NAALADL2: variants seen among roughly 807,000 people sequenced by gnomAD.
NAALADL2 encodes the protein N-acetylated alpha-linked acidic dipeptidase like 2.
A neutral mutation model predicts 87.2 loss-of-function variants in NAALADL2; 76 were observed. The observed-to-expected ratio is 0.87, with a 90% CI of 0.72 to 1.05. NAALADL2 has a LOEUF of 1.05. Ranked by LOEUF, NAALADL2 falls within the 50% of genes least tolerant of loss-of-function variation. NAALADL2 has a pLI of 0.00. For missense variants in NAALADL2, 1,089 were observed against 945.8 expected (o/e 1.15, Z -1.99); for synonymous variants, 354 against 331.0 (o/e 1.07, Z -0.75).
chr3:174,887,030 C>T (rs1730244251), intron 1 of NAALADL2, among the ~76,000 whole-genome samples: 1 of 152,188 alleles, frequency 6.6e-6, no homozygotes, highest in South Asian at 2.1e-4. Context: ...CTATAACTCT[C>T]TCTTCAATTA....
intron 5 of NAALADL2, among the ~76,000 whole-genome samples, chr3:175,330,999 AG>A (rs1196476914): frequency 6.6e-6 from 1 of 152,148 alleles, no homozygotes; most frequent in Non-Finnish European, 1.5e-5. Context: ...ACAAAAGATC[AG>A]GGGGACTATT....
At chr3:174,690,082 G>A (rs140112264) in intron 2 of NAALADL2, among the ~76,000 whole-genome samples, 5 of 152,178 alleles carry the variant, frequency 3.3e-5, no homozygotes, top group African/African-American at 1.2e-4. Context: ...TATGATATTA[G>A]AAGTCATGAC....
intron 11 of NAALADL2, among the ~76,000 whole-genome samples, chr3:175,729,463 A>G (rs1561046682): frequency 6.6e-6 from 1 of 152,212 alleles, no homozygotes; most frequent in Non-Finnish European, 1.5e-5. Context: ...TTCACAACCT[A>G]AGAGTATGTG....
intron 1 of NAALADL2, among the ~76,000 whole-genome samples, chr3:174,904,007 ATATCTG>A (rs932103142): frequency 2.0e-5 from 3 of 151,470 alleles, no homozygotes; most frequent in Non-Finnish European, 3.0e-5. Flanking sequence ...ATCTATATCT[ATATCTG>A]TATCTATTTG....
At chr3:175,211,525 CACTT>C (rs1741762236) in intron 2 of NAALADL2, among the ~76,000 whole-genome samples, 1 of 151,882 alleles carries the variant, frequency 6.6e-6, no homozygotes, top group African/African-American at 2.4e-5. Flanking sequence ...GTATTTAAAA[CACTT>C]ACATATTTTA....
chr3:174,746,954 G>T (rs2109025035), intron 3 of NAALADL2, among the ~76,000 whole-genome samples: 1 of 152,098 alleles, frequency 6.6e-6, no homozygotes, highest in East Asian at 1.9e-4. Context: ...ACTGAAATGT[G>T]AAACCTAAAA....
intron 3 of NAALADL2, among the ~76,000 whole-genome samples, chr3:174,754,517 G>A (rs571882048): frequency 6.7e-6 from 1 of 148,728 alleles, no homozygotes; most frequent in South Asian, 2.1e-4. Context: ...CTCTTGCCCA[G>A]GCTGGCCATT....
chr3:175,442,196 C>T lies in NAALADL2; in HGVS notation c.1091-5033C>T, dbSNP rs550582843. On this transcript the variant is annotated intron_variant, in intron 5 of 13. Coordinates refer to ENST00000454872, the MANE Select transcript of NAALADL2 (RefSeq NM_207015.3). The stretch of plus-strand genomic sequence containing the variant: ...CTGACCTCAGGTGATCCACCCTCCT[C>T]GACCTCTCAAAGTGCTTGGATTACA... Among the ~76,000 whole-genome samples, 9 of 152,178 alleles carry T rather than the reference C, an allele frequency of 5.9e-5. No individual in the cohort carries two copies. The East Asian group carries it at 1.2e-3, about 20-fold the overall frequency.
In NAALADL2 at chr3:174,765,647, T is replaced by C. The variant is rs1423451373; in HGVS notation, c.-9+27901T>C. 2.6e-5 allele frequency among the ~76,000 whole-genome samples: 4 copies of C among 152,116 alleles called. No homozygotes were observed. The East Asian group carries it at 7.7e-4, about 29-fold the overall frequency. On this transcript the variant is annotated intron_variant, in intron 3 of 3. Coordinates refer to the NAALADL2 transcript ENST00000434257. ...TCCTTAGGAGTGAATCCTTGTTATT[T>C]ATTTTTTGAATACAGGATTTATTTT...
intron 1 of NAALADL2, among the ~76,000 whole-genome samples, chr3:174,534,263 G>A (rs1280662102): frequency 6.6e-6 from 1 of 151,882 alleles, no homozygotes; most frequent in Non-Finnish European, 1.5e-5. Flanking sequence ...TTTACCAGAT[G>A]GTTTAATTCA....
chr3:175,164,346 G>T (rs1003638181), intron 2 of NAALADL2, among the ~76,000 whole-genome samples: 2 of 151,598 alleles, frequency 1.3e-5, no homozygotes, highest in African/African-American at 4.8e-5. Context: ...TTGCAGTCTA[G>T]GGTGAGCATC....
chr3:175,466,135 T>C (rs1723985007), intron 7 of NAALADL2, among the ~76,000 whole-genome samples: 1 of 152,216 alleles, frequency 6.6e-6, no homozygotes, highest in Non-Finnish European at 1.5e-5. Context: ...CTGAACAATT[T>C]ACCATCCAGT....
chr3:175,630,085 A>G lies in NAALADL2; in HGVS notation c.1896+2699A>G, dbSNP rs182041887. Among the ~76,000 whole-genome samples the G allele has an allele frequency of 2.6e-5, 4 of 151,868 alleles. No individual in the cohort carries two copies. The East Asian group carries it at 7.7e-4, about 29-fold the overall frequency. ...TGTTGATTCTGTTTCCTCAATCATC[A>G]TGTCTACTTGCACTCATGTTGGAAG... is the stretch of plus-strand genomic sequence containing the variant. On this transcript the variant is annotated intron_variant, in intron 11 of 13. Transcript: ENST00000454872.
At chr3:175,144,226 T>C (rs1730434925) in intron 2 of NAALADL2, among the ~76,000 whole-genome samples, 1 of 152,004 alleles carries the variant, frequency 6.6e-6, no homozygotes, top group South Asian at 2.1e-4. Context: ...TAATTCTAAA[T>C]TCCGGCTTCA....
At chr3:174,777,460 T>C (rs1343442499) in intron 3 of NAALADL2, among the ~76,000 whole-genome samples, 2 of 152,144 alleles carry the variant, frequency 1.3e-5, no homozygotes, top group Non-Finnish European at 2.9e-5. Context: ...ACTTTTGAAC[T>C]GGTTATATAT....
chr3:174,635,308 A>G (rs1560107525), intron 2 of NAALADL2, among the ~76,000 whole-genome samples: 1 of 152,220 alleles, frequency 6.6e-6, no homozygotes, highest in Non-Finnish European at 1.5e-5. Flanking sequence ...TTCCAGCTCT[A>G]AAAGGTAAGG....
At chr3:175,769,905 C>T (rs1389900474) in intron 13 of NAALADL2, among the ~76,000 whole-genome samples, 2 of 152,022 alleles carry the variant, frequency 1.3e-5, no homozygotes, top group African/African-American at 4.8e-5. Context: ...CTGTAGCAGG[C>T]TATAAATTTA....
chr3:175,450,633 C>T (rs1201858088), intron 6 of NAALADL2, among the ~76,000 whole-genome samples: 1 of 152,160 alleles, frequency 6.6e-6, no homozygotes, highest in Non-Finnish European at 1.5e-5. Context: ...TTTGTCCAGA[C>T]TTGGATTATC....
intron 2 of NAALADL2, among the ~76,000 whole-genome samples, chr3:174,579,479 C>A: frequency 6.6e-6 from 1 of 151,932 alleles, no homozygotes; most frequent in East Asian, 1.9e-4. Context: ...TGTCTACTTC[C>A]ATTTATTTGA....
Sources: allele counts gnomAD v4.1 joint callset (sites outside exome capture counted in the v4.1 genomes callset), GRCh38; gene constraint gnomAD v4.1.1; transcripts MANE v1.5; gene names NCBI Gene and HGNC (gene_info 2026-07-23, HGNC 2026-07-21).